The following PCDHA6 variants were observed in gnomAD, a reference collection of about 807,000 sequenced individuals.
The protein encoded by PCDHA6 is protocadherin alpha 6.
A neutral mutation model predicts 60.3 loss-of-function variants in PCDHA6; 55 were observed. The ratio of observed to expected loss-of-function variants is 0.91; its 90% CI spans 0.73 to 1.14. The LOEUF is 1.14. Ranked by LOEUF, PCDHA6 falls within the 50% of genes most tolerant of loss-of-function variation. The probability of loss-of-function intolerance (pLI) is 0.00; values close to 1 mark genes in which losing one functional copy is unlikely to be tolerated. For synonymous variants in PCDHA6, 652 were observed against 557.9 expected, an observed-to-expected ratio of 1.17 and a Z score of -2.38; for missense variants, 1,327 against 1,256.5, an observed-to-expected ratio of 1.06 and a Z score of -0.85.
Position 141,009,665 on chromosome 5 carries a change from G to T in PCDHA6, c.2581G>T (p.Gly861Cys). 6.2e-7 allele frequency: 1 copy of T among 1,614,022 alleles called. No individual in the cohort carries two copies. Among genetic ancestry groups the T allele is most frequent in the Non-Finnish European group, 8.5e-7 (1 of 1,180,006 alleles). The change falls in exon 4 of 4, where the codon GGT becomes TGT. Residue 861 changes from glycine to cysteine, a missense_variant. By Grantham distance (159) the Gly-to-Cys change is radical (BLOSUM62 -3). Transcript: ENST00000529310. The stretch of plus-strand genomic sequence containing the variant: ...AGAAGTGTCCCCTCCAGTCGGTGCG[G>T]GTGTCAACAGCAACAGCTGGACCTT... ...AGEVSPPVGA[G>C]VNSNSWTFKY...
At chr5:140,833,614 T>A (rs1430791887) in intron 1 of PCDHA6, among the ~76,000 whole-genome samples, 2 of 152,120 alleles carry the variant, frequency 1.3e-5, no homozygotes, top group African/African-American at 4.8e-5. Flanking sequence ...AAGCAAAAAA[T>A]TCAGAATACT....
At chr5:140,927,342 TGAC>T (rs1554204398) in intron 1 of PCDHA6, 1 of 1,614,160 alleles carries the variant, frequency 6.2e-7, no homozygotes, top group Non-Finnish European at 8.5e-7. Context: ...ATGCCCAAGA[TGAC>T]GACGAGGGAA....
chr5:141,007,678 A>T (rs1472767852), intron 3 of PCDHA6, among the ~76,000 whole-genome samples: 1 of 152,236 alleles, frequency 6.6e-6, no homozygotes, highest in Non-Finnish European at 1.5e-5. Context: ...GACAAAAGTT[A>T]TCCTACTTCC....
At chr5:140,887,238 C>T (rs1191260946) in intron 1 of PCDHA6, among the ~76,000 whole-genome samples, 11 of 151,856 alleles carry the variant, frequency 7.2e-5, no homozygotes, top group East Asian at 3.9e-4. Flanking sequence ...CTGAGACTAC[C>T]GGCGCCCGCC....
chr5:140,923,641 T>C (rs2081461052), intron 1 of PCDHA6, among the ~76,000 whole-genome samples: 1 of 152,230 alleles, frequency 6.6e-6, no homozygotes. Context: ...CAAAAATCTT[T>C]AGCCTCCCTT....
chr5:140,891,877 T>A (rs2063293050), intron 1 of PCDHA6, among the ~76,000 whole-genome samples: 1 of 152,218 alleles, frequency 6.6e-6, no homozygotes, highest in East Asian at 1.9e-4. Flanking sequence ...TTTGGCTCTG[T>A]CATGTGACGA....
chr5:140,870,339 G>A (rs1554164098), intron 1 of PCDHA6: 1 of 1,614,064 alleles, frequency 6.2e-7, no homozygotes, highest in East Asian at 2.2e-5. Context: ...ACAGCGCCCT[G>A]GACCGCGAGA....
chr5:140,887,246 G>A (rs1346055055), intron 1 of PCDHA6, among the ~76,000 whole-genome samples: 2 of 151,778 alleles, frequency 1.3e-5, no homozygotes, highest in Non-Finnish European at 2.9e-5. Flanking sequence ...ACCGGCGCCC[G>A]CCACCACGCC....
chr5:140,937,916 A>T (rs903757303), intron 1 of PCDHA6, among the ~76,000 whole-genome samples: 37 of 152,106 alleles, frequency 2.4e-4, no homozygotes, highest in Non-Finnish European at 1.8e-4. Flanking sequence ...CGTCTCAAAA[A>T]AAAAAAAAAA....
chr5:140,860,972 C>G (rs539931081), intron 1 of PCDHA6: 1 of 152,196 alleles, frequency 6.6e-6, no homozygotes, highest in Non-Finnish European at 1.5e-5. Context: ...CTCCTGACCT[C>G]GTGATCCACC....
chr5:140,846,112 TTAC>T (rs1780203711), intron 1 of PCDHA6, among the ~76,000 whole-genome samples: 1 of 149,772 alleles, frequency 6.7e-6, no homozygotes. Context: ...GTAGACTATC[TTAC>T]TTTGATAGTT....
At chr5:140,986,181 G>A (rs531382269) in intron 3 of PCDHA6, among the ~76,000 whole-genome samples, 1 of 152,152 alleles carries the variant, frequency 6.6e-6, no homozygotes, top group Admixed American at 6.6e-5. Flanking sequence ...AACAAGTCAG[G>A]CATTAAATTG....
At position 140,843,258 on chromosome 5, in the gene PCDHA6, G is replaced by T. The variant is rs2150356116; in HGVS notation, c.2394+12773G>T. 2 of 1,596,068 alleles carry T rather than the reference G, an allele frequency of 1.3e-6. 1 individual carries two copies. The highest frequency in any genetic ancestry group is 3.4e-5 in the Admixed American group (2 of 59,332). ...GACGAAGCGGACTCTCCGCGCCACC[G>T]TCTGCTGGTCCTGGTGAAGGATCAT... On this transcript the variant is annotated intron_variant, in intron 1 of 3. Coordinates refer to ENST00000529310, the MANE Select transcript of PCDHA6 (RefSeq NM_018909.4).
chr5:140,926,890 A>ACCCTCCCT (rs782687521), intron 1 of PCDHA6: 1 of 1,543,756 alleles, frequency 6.5e-7, no homozygotes, highest in Non-Finnish European at 8.7e-7. Context: ...GCCTAGAGGG[A>ACCCTCCCT]GGATGGTGGG....
In PCDHA6 at chr5:140,827,996, G is replaced by A; in HGVS notation, c.-96G>A. 1.4e-6 allele frequency: 2 copies of A among 1,481,206 alleles called. No homozygotes were observed. The highest frequency in any genetic ancestry group is 1.8e-6 in the Non-Finnish European group (2 of 1,103,222). The allele number at this position is 1,481,206 out of a possible 1,614,324, so 91.8% of individuals were successfully genotyped here. On this transcript the variant is annotated 5_prime_UTR_variant, in exon 1 of 4. Coordinates refer to ENST00000529310, the MANE Select transcript of PCDHA6 (RefSeq NM_018909.4). ...ATTCCCTGACTGTTGAATGATGGCG[G>A]ACGCAGAAGAAATGGATTAATAAAT...
chr5:140,999,814 G>A (rs143341016), intron 3 of PCDHA6, among the ~76,000 whole-genome samples: 1 of 152,286 alleles, frequency 6.6e-6, no homozygotes, highest in African/African-American at 2.4e-5. Context: ...CAAAGCAAGA[G>A]CTGTGGCTTT....
chr5:140,862,620 G>T, intron 1 of PCDHA6: 1 of 528,384 alleles, frequency 1.9e-6, no homozygotes, highest in South Asian at 1.4e-5. Context: ...GTAACAACCC[G>T]CGGGGCTGCC....
intron 1 of PCDHA6, chr5:140,857,128 AGAT>A: frequency 6.3e-7 from 1 of 1,598,286 alleles, no homozygotes; most frequent in South Asian, 1.1e-5. Flanking sequence ...CAGTGAAAGA[AGAT>A]GCTCAAGTGG....
chr5:140,918,153 C>A (rs1554198452), intron 1 of PCDHA6, among the ~76,000 whole-genome samples: 2 of 152,036 alleles, frequency 1.3e-5, no homozygotes, highest in African/African-American at 2.4e-5. Flanking sequence ...TTGTGTATGT[C>A]TATTGTAAAT....
Sources: allele counts gnomAD v4.1 joint callset (sites outside exome capture counted in the v4.1 genomes callset), GRCh38; gene constraint gnomAD v4.1.1; transcripts MANE v1.5; gene names NCBI Gene and HGNC (gene_info 2026-07-23, HGNC 2026-07-21).